VWDE: variants seen among roughly 807,000 people sequenced by gnomAD.
The protein encoded by VWDE is von Willebrand factor D and EGF domain-containing protein.
A neutral mutation model predicts 178.4 loss-of-function variants in VWDE; 207 were observed. The observed-to-expected ratio is 1.16, with a 90% CI of 1.04 to 1.30. The LOEUF (loss-of-function observed/expected upper bound fraction) is 1.30. Ranked by LOEUF, VWDE falls within the 50% of genes most tolerant of loss-of-function variation. The pLI is 0.00. For synonymous variants in VWDE, 738 were observed against 651.4 expected, an observed-to-expected ratio of 1.13 and a Z score of -2.02; for missense variants, 2,287 against 1,901.3, an observed-to-expected ratio of 1.20 and a Z score of -3.77.
Position 12,336,136 on chromosome 7 carries a change from C to T in VWDE, c.4654+5G>A. 1.3e-6 allele frequency: 2 copies of T among 1,549,216 alleles called. No individual in the cohort carries two copies. The highest frequency in any genetic ancestry group is 1.4e-5 in the African/African-American group (1 of 73,038). On this transcript the variant is annotated splice_donor_5th_base_variant and intron_variant, in intron 27 of 28. Coordinates refer to ENST00000275358, the MANE Select transcript of VWDE (RefSeq NM_001135924.3). ...TATAGTAGGAAAAACATCCTGTGGG[C>T]TTACGTATTTGACACCGCACTCCTT...
chr7:12,389,235 T>C lies in VWDE; in HGVS notation c.367A>G (p.Thr123Ala), dbSNP rs755963435. 6.4e-6 allele frequency: 10 copies of C among 1,551,722 alleles called. No individual in the cohort carries two copies. Among genetic ancestry groups the C allele is most frequent in the Middle Eastern group, 1.7e-4 (1 of 5,994 alleles). Reference protein sequence around the residue: ...CATWQFLFSTTKDCCLFQIPV... With the variant: ...CATWQFLFSTAKDCCLFQIPV... ...ATTTGAAAGAGACAGCAGTCTTTTG[T>C]AGTGCTGAACAAAAACTGCCATGTT... The change falls in exon 3 of 29, where the codon ACA becomes GCA. Residue 123 changes from threonine (T) to alanine (A), a missense_variant. Thr to Ala is a moderately conservative substitution (Grantham distance 58, BLOSUM62 0). Coordinates refer to ENST00000275358, the MANE Select transcript of VWDE (RefSeq NM_001135924.3).
intron 2 of VWDE, among the ~76,000 whole-genome samples, chr7:12,391,544 A>G (rs1784389602): frequency 6.6e-6 from 1 of 152,196 alleles, no homozygotes; most frequent in African/African-American, 2.4e-5. Flanking sequence ...GAAAAACACA[A>G]ATATTTTTAA....
At position 12,370,732 on chromosome 7, in the gene VWDE, T is replaced by C; in HGVS notation, c.1720A>G (p.Asn574Asp). ...LCGTFDENPE[N>D]DFHDKNGMQI... Reference sequence around the variant, plus strand: ...ATCCCATTTTTGTCATGGAAATCATTTTCCGGATTTTCATCAAAGGTTCCA... The same window carrying C: ...ATCCCATTTTTGTCATGGAAATCATCTTCCGGATTTTCATCAAAGGTTCCA... The change falls in exon 11 of 29, where the codon AAT becomes GAT. Residue 574 changes from asparagine (N) to aspartate (D), a missense_variant. Physicochemically the swap from Asn to Asp is conservative, Grantham distance 23 (BLOSUM62 1). Coordinates refer to ENST00000275358, the MANE Select transcript of VWDE (RefSeq NM_001135924.3). 2.6e-6 allele frequency: 4 copies of C among 1,551,234 alleles called. No individual in the cohort carries two copies. The highest frequency in any genetic ancestry group is 3.5e-6 in the Non-Finnish European group (4 of 1,146,696).
chr7:12,333,583 T>C lies in VWDE; in HGVS notation c.4655-15A>G, dbSNP rs775031288. Reference sequence around the variant, plus strand: ...GTTGCAAATTGCTGCAATACACAAATTTTTACAATGACCATCCTTTGACAT... The same window carrying C: ...GTTGCAAATTGCTGCAATACACAAACTTTTACAATGACCATCCTTTGACAT... On this transcript the variant is annotated splice_polypyrimidine_tract_variant and intron_variant, in intron 27 of 28. Coordinates refer to ENST00000275358, the MANE Select transcript of VWDE (RefSeq NM_001135924.3). The C allele has an allele frequency of 2.7e-5, 41 of 1,510,814 alleles. No individual in the cohort carries two copies. The highest frequency in any genetic ancestry group is 3.5e-5 in the Non-Finnish European group (39 of 1,110,082). The allele number at this position is 1,510,814 out of a possible 1,614,324, so 93.6% of individuals were successfully genotyped here. A position where few individuals can be genotyped will look rare whatever the true frequency, so the allele number is the denominator to read the frequency against.
At chr7:12,375,961 A>G (rs1783505728) in intron 7 of VWDE, among the ~76,000 whole-genome samples, 1 of 152,144 alleles carries the variant, frequency 6.6e-6, no homozygotes, top group Admixed American at 6.6e-5. Flanking sequence ...GTATGCTATC[A>G]TATCCAATTA....
chr7:12,378,466 C>A (rs1783662178), intron 6 of VWDE, among the ~76,000 whole-genome samples: 1 of 152,168 alleles, frequency 6.6e-6, no homozygotes, highest in African/African-American at 2.4e-5. Context: ...CTGGCCCTAT[C>A]TTCATTCACA....
In VWDE at chr7:12,370,768, G is replaced by T. The variant is rs116117858; in HGVS notation, c.1684C>A (p.Leu562Met). 9.7e-4 allele frequency: 1,509 copies of T among 1,551,100 alleles called. 10 individuals carry two copies. In the African/African-American group the frequency reaches 0.018, roughly 18 times the overall value. The change falls in exon 11 of 29, where the codon CTG (leucine) becomes ATG (methionine). Residue 562 changes from leucine (L) to methionine (M), a missense_variant. Coordinates refer to ENST00000275358, the MANE Select transcript of VWDE (RefSeq NM_001135924.3). The part of the protein sequence containing the change: ...RAPSVDYRNT[L>M]GLCGTFDENP... The stretch of plus-strand genomic sequence containing the variant: ...TCATCAAAGGTTCCACAAAGTCCCA[G>T]AGTGTTTCTGTAATCTACACTAGGG...
intron 28 of VWDE, among the ~76,000 whole-genome samples, chr7:12,332,746 G>C (rs1780795152): frequency 6.6e-6 from 1 of 152,066 alleles, no homozygotes; most frequent in Non-Finnish European, 1.5e-5. Flanking sequence ...CCAGTGCTCG[G>C]AGAAAACTAT....
At chr7:12,375,281 G>C (rs919890967) in intron 7 of VWDE, 54 bp from the exon 8 acceptor site, 1 of 1,196,414 alleles carries the variant, frequency 8.4e-7, no homozygotes, top group African/African-American at 1.5e-5. Context: ...ACTAACCAAA[G>C]CATGTAATAA....
intron 24 of VWDE, among the ~76,000 whole-genome samples, chr7:12,338,802 A>G (rs572713146): frequency 4.6e-5 from 7 of 152,300 alleles, no homozygotes; most frequent in African/African-American, 1.4e-4. Flanking sequence ...ATATCTCTCC[A>G]GCCATACATC....
At chr7:12,351,492 G>C in intron 19 of VWDE, 81 bp downstream of exon 19, 2 of 1,384,476 alleles carry the variant, frequency 1.4e-6, no homozygotes, top group Non-Finnish European at 1.9e-6. Context: ...AAAAATACCT[G>C]AGGAATAAAT....
rs559108470 is a variant in VWDE at position 12,338,465 on chromosome 7, G to A, written c.4367-1193C>T. ...ATGCCTGTGGTTAGGAATTTGAAAC[G>A]TAAAAAAGCTCCACAAATTGTTTAT... On this transcript the variant is annotated intron_variant, in intron 24 of 28. Transcript: ENST00000275358. Among the ~76,000 whole-genome samples the A allele has an allele frequency of 5.5e-3, 833 of 151,980 alleles. 6 individuals carry two copies. The highest frequency in any genetic ancestry group is 0.019 in the African/African-American group (786 of 41,484).
chr7:12,351,809 A>C lies in VWDE; in HGVS notation c.3746-96T>G, dbSNP rs1037442483. ...ATACAATACAAACGCCACTTGGATT[A>C]AACTCTGCAAATTAGACTGAATAAC... On this transcript the variant is annotated intron_variant, in intron 18 of 28. Coordinates refer to ENST00000275358, the MANE Select transcript of VWDE (RefSeq NM_001135924.3). The C allele has an allele frequency of 2.2e-4, 238 of 1,076,706 alleles. 1 individual carries two copies. The Middle Eastern group carries it at 9.3e-3, about 42-fold the overall frequency. 66.7% of individuals were successfully genotyped at this position (1,076,706 alleles called of 1,614,324 possible).
intron 4 of VWDE, 143 bp from the exon 5 acceptor site, chr7:12,380,876 T>A: frequency 9.9e-7 from 1 of 1,012,200 alleles, no homozygotes; most frequent in South Asian, 1.8e-5. Context: ...TTTCTAGCAA[T>A]CAACAAAGTA....
intron 27 of VWDE, among the ~76,000 whole-genome samples, chr7:12,335,248 A>C (rs1292516759): frequency 6.6e-6 from 1 of 152,176 alleles, no homozygotes; most frequent in Non-Finnish European, 1.5e-5. Context: ...TTTCCCATTA[A>C]GTTAATCATT....
At chr7:12,389,870 T>C (rs942638807) in intron 2 of VWDE, among the ~76,000 whole-genome samples, 3 of 152,116 alleles carry the variant, frequency 2.0e-5, no homozygotes, top group Admixed American at 6.5e-5. Context: ...AAGTTAGAAA[T>C]AATACAGTTT....
At chr7:12,356,391 C>T in intron 17 of VWDE, 61 bp from the exon 18 acceptor site, 2 of 1,391,552 alleles carry the variant, frequency 1.4e-6, no homozygotes, top group South Asian at 2.6e-5. Flanking sequence ...CAGTTTATGC[C>T]CCAGAAATCA....
chr7:12,394,074 C>G (rs1439252591), intron 1 of VWDE, among the ~76,000 whole-genome samples: 2 of 152,176 alleles, frequency 1.3e-5, no homozygotes, highest in African/African-American at 4.8e-5. Flanking sequence ...GCTGGCTGCT[C>G]TTGAGTTAGG....
In VWDE at chr7:12,356,181, G is replaced by A. The variant is rs145303180; in HGVS notation, c.3675C>T (p.Asn1225=). Residue 1225 remains asparagine, a synonymous_variant, in exon 18 of 29, where the codon AAC becomes AAT. Coordinates refer to ENST00000275358, the MANE Select transcript of VWDE (RefSeq NM_001135924.3). The part of the protein sequence containing the change: ...CEVDISGCQS[N]PCGLGSYISG... Reference sequence around the variant, plus strand: ...TAATATAGCTGCCAAGACCACAAGGGTTGGATTGGCACCCACTAATGTCCA... The same window carrying A: ...TAATATAGCTGCCAAGACCACAAGGATTGGATTGGCACCCACTAATGTCCA... 119 of 1,551,438 alleles carry A rather than the reference G, an allele frequency of 7.7e-5. No individual in the cohort carries two copies. In the East Asian group the frequency reaches 2.7e-3, roughly 35 times the overall value.
Sources: gnomAD v4.1 joint callset for allele counts (sites outside exome capture counted in the v4.1 genomes callset) on GRCh38, gnomAD v4.1.1 for gene constraint, MANE v1.5 for transcripts, NCBI Gene and HGNC (gene_info 2026-07-23, HGNC 2026-07-21) for gene names.